PPP2R3A: variants seen among roughly 807,000 people sequenced by gnomAD.
PPP2R3A encodes the protein protein phosphatase 2 regulatory subunit B''alpha.
In PPP2R3A, 80 loss-of-function variants were observed where a neutral mutation model predicts 106.9. The ratio of observed to expected loss-of-function variants is 0.75; its 90% CI spans 0.62 to 0.90. The LOEUF is 0.90. Ranked by LOEUF, PPP2R3A falls within the 40% of genes least tolerant of loss-of-function variation. PPP2R3A has a pLI of 0.00. For missense variants in PPP2R3A, 1,386 were observed against 1,350.4 expected (o/e 1.03, Z -0.41); for synonymous variants, 483 against 468.3 (o/e 1.03, Z -0.41).
In PPP2R3A at chr3:136,026,935, T is replaced by C. The variant is rs375484993; in HGVS notation, c.2099T>C (p.Val700Ala). ...TCCCCGGTTCCCCATGTGAATAATG[T>C]TGTGAATGCGCCATTGTCCATAAAC... ...PLSPVPHVNN[V>A]VNAPLSINIP... Residue 700 changes from valine (V) to alanine (A), a missense_variant, in exon 3 of 14, where the codon GTT (valine) becomes GCT (alanine). Physicochemically the swap from Val to Ala is moderately conservative, Grantham distance 64. Transcript: ENST00000264977. 2.0e-5 allele frequency: 33 copies of C among 1,613,552 alleles called. No homozygotes were observed. The African/African-American group carries it at 4.3e-4, about 21-fold the overall frequency.
chr3:136,118,072 A>G (rs1384139710), intron 13 of PPP2R3A, among the ~76,000 whole-genome samples: 1 of 152,220 alleles, frequency 6.6e-6, no homozygotes, highest in Admixed American at 6.5e-5. Context: ...CTGGTTCAAC[A>G]TATGCAAAAC....
intron 3 of PPP2R3A, among the ~76,000 whole-genome samples, chr3:136,036,388 G>C (rs377578786): frequency 1.3e-5 from 2 of 152,314 alleles, no homozygotes; most frequent in Non-Finnish European, 1.5e-5. Flanking sequence ...CTGTTAGTCA[G>C]ATTCTTTTGT....
intron 1 of PPP2R3A, among the ~76,000 whole-genome samples, chr3:135,998,986 T>TG (rs1178262511): frequency 2.6e-5 from 4 of 152,162 alleles, no homozygotes; most frequent in Non-Finnish European, 5.9e-5. Flanking sequence ...ATTTATTAAT[T>TG]GGGGGAGCAA....
intron 13 of PPP2R3A, among the ~76,000 whole-genome samples, chr3:136,126,473 C>G (rs1215237279): frequency 1.3e-5 from 2 of 152,210 alleles, no homozygotes; most frequent in East Asian, 1.9e-4. Context: ...CCAGGAAGCT[C>G]GAACTGGGCA....
At chr3:136,108,807 A>G (rs1937554708) in intron 13 of PPP2R3A, among the ~76,000 whole-genome samples, 1 of 152,176 alleles carries the variant, frequency 6.6e-6, no homozygotes, top group Non-Finnish European at 1.5e-5. Context: ...ACCATGAAAC[A>G]ATGTTTGCAA....
At chr3:135,969,320 T>C (rs905582980) in intron 1 of PPP2R3A, among the ~76,000 whole-genome samples, 2 of 152,130 alleles carry the variant, frequency 1.3e-5, no homozygotes, top group African/African-American at 2.4e-5. Flanking sequence ...GAAGTACATA[T>C]ATTCATGAGA....
intron 1 of PPP2R3A, among the ~76,000 whole-genome samples, chr3:135,973,979 G>A (rs1188329266): frequency 6.6e-6 from 1 of 152,154 alleles, no homozygotes; most frequent in Non-Finnish European, 1.5e-5. Context: ...CCCCACTGAA[G>A]CACTCTTGTC....
Position 136,003,201 on chromosome 3 carries a change from C to T in PPP2R3A, c.1703C>T (p.Ser568Leu), listed in dbSNP as rs369517042. ...GTCTCTTCACCCATAGAAAAAGTCTCACCTTCCTGTCTAACAAGGATTATT... is the reference window on the plus strand; with the variant it reads ...GTCTCTTCACCCATAGAAAAAGTCTTACCTTCCTGTCTAACAAGGATTATT... ...SKVSSPIEKV[S>L]PSCLTRIIET... The change falls in exon 2 of 14, where the codon TCA becomes TTA. Residue 568 changes from serine (S) to leucine (L), a missense_variant. Physicochemically the swap from Ser to Leu is moderately radical, Grantham distance 145. Transcript: ENST00000264977. The T allele has an allele frequency of 1.1e-5, 18 of 1,613,854 alleles. No homozygotes were observed. The highest frequency in any genetic ancestry group is 1.3e-5 in the African/African-American group (1 of 74,904).
chr3:135,995,047 T>C (rs1009479827), intron 1 of PPP2R3A, among the ~76,000 whole-genome samples: 4 of 152,152 alleles, frequency 2.6e-5, no homozygotes, highest in African/African-American at 9.7e-5. Flanking sequence ...TAATAGTAAG[T>C]GCTTGATAAA....
chr3:136,127,868 TAAAGA>T (rs1305790433), intron 13 of PPP2R3A, among the ~76,000 whole-genome samples: 1 of 152,136 alleles, frequency 6.6e-6, no homozygotes, highest in Non-Finnish European at 1.5e-5. Flanking sequence ...TCAACATTCT[TAAAGA>T]AAAGAATTTT....
chr3:136,016,466 C>A (rs141788304), intron 2 of PPP2R3A, among the ~76,000 whole-genome samples: 16 of 152,188 alleles, frequency 1.1e-4, no homozygotes, highest in African/African-American at 3.9e-4. Context: ...TTTCTTAGGT[C>A]TAGTAGTAAT....
At chr3:135,997,953 A>G (rs747778511) in intron 1 of PPP2R3A, among the ~76,000 whole-genome samples, 1 of 152,166 alleles carries the variant, frequency 6.6e-6, no homozygotes, top group Non-Finnish European at 1.5e-5. Flanking sequence ...TTCTGTAACA[A>G]ATTTCATCGT....
chr3:136,035,867 T>G (rs1935067449), intron 3 of PPP2R3A, among the ~76,000 whole-genome samples: 1 of 152,182 alleles, frequency 6.6e-6, no homozygotes, highest in African/African-American at 2.4e-5. Context: ...CAATCAATCT[T>G]AGGTTTGGTC....
At chr3:135,988,126 ACTGAACTAC>A (rs1469310323) in intron 1 of PPP2R3A, among the ~76,000 whole-genome samples, 2 of 152,004 alleles carry the variant, frequency 1.3e-5, no homozygotes, top group Non-Finnish European at 2.9e-5. Context: ...CATGTCCAAA[ACTGAACTAC>A]CTGAACTACC....
At chr3:136,102,343 T>C (rs1937398814) in intron 11 of PPP2R3A, among the ~76,000 whole-genome samples, 161 bp downstream of exon 11, 1 of 66,278 alleles carries the variant, frequency 1.5e-5, no homozygotes, top group Non-Finnish European at 4.0e-5. Flanking sequence ...GTGTAGCAAC[T>C]TTTTTTTTTT....
chr3:136,145,108 T>C lies in PPP2R3A; in HGVS notation c.3395T>C (p.Ile1132Thr). ...PSEFGNKSNK[I>T]LSASLPEKCG... is the part of the protein sequence containing the mutation. ...GAATTTGGAAACAAAAGCAATAAAA[T>C]ATTAAGTGCAAGCCTTCCAGAGAAA... is the stretch of plus-strand genomic sequence containing the variant. The change falls in exon 14 of 14, where the codon ATA becomes ACA. Residue 1132 changes from isoleucine (I) to threonine (T), a missense_variant. Physicochemically the swap from Ile to Thr is moderately conservative, Grantham distance 89 (BLOSUM62 -1). Transcript: ENST00000264977. The C allele has an allele frequency of 6.2e-7, 1 of 1,613,838 alleles. No homozygotes were observed. Among genetic ancestry groups the C allele is most frequent in the South Asian group, 1.1e-5 (1 of 91,042 alleles).
At chr3:136,105,675 G>A (rs1435282519) in intron 12 of PPP2R3A, among the ~76,000 whole-genome samples, 1 of 151,862 alleles carries the variant, frequency 6.6e-6, no homozygotes, top group Non-Finnish European at 1.5e-5. Context: ...AAAAGAGTTG[G>A]AATCAGCCAG....
chr3:136,025,844 G>A (rs1934632295), intron 2 of PPP2R3A, among the ~76,000 whole-genome samples: 1 of 151,838 alleles, frequency 6.6e-6, no homozygotes, highest in African/African-American at 2.4e-5. Context: ...TTGATAATTT[G>A]GCCATTAATT....
intron 13 of PPP2R3A, among the ~76,000 whole-genome samples, chr3:136,140,455 A>AAAAAAAACAAAAAC (rs1938816347): frequency 1.3e-5 from 2 of 150,986 alleles, no homozygotes; most frequent in African/African-American, 4.9e-5. Flanking sequence ...AAAAAAAAAA[A>AAAAAAAACAAAAAC]AAAAAAAAAC....
Sources: gnomAD v4.1 joint callset for allele counts (sites outside exome capture counted in the v4.1 genomes callset) on GRCh38, gnomAD v4.1.1 for gene constraint, MANE v1.5 for transcripts, NCBI Gene and HGNC (gene_info 2026-07-23, HGNC 2026-07-21) for gene names.